The following SCD5 variants were observed in gnomAD, a reference collection of about 807,000 sequenced individuals.
The protein encoded by SCD5 is acyl-CoA-desaturase 4.
In SCD5, 20 loss-of-function variants were observed where a neutral mutation model predicts 30.4. The ratio of observed to expected loss-of-function variants is 0.66; its 90% CI spans 0.46 to 0.96. SCD5 has a LOEUF of 0.96. Ranked by LOEUF, SCD5 falls within the 40% of genes least tolerant of loss-of-function variation. SCD5 has a pLI of 0.00. For synonymous variants in SCD5, 173 were observed against 176.4 expected, an observed-to-expected ratio of 0.98 and a Z score of 0.16; for missense variants, 381 against 443.3, an observed-to-expected ratio of 0.86 and a Z score of 1.26.
chr4:82,665,027 T>TAC (rs36067892), intron 3 of SCD5, among the ~76,000 whole-genome samples: 10,839 of 31,374 alleles, frequency 0.35, 1,162 homozygotes, highest in African/African-American at 0.52. Context: ...ATATGTATAA[T>TAC]ACACACACAC....
chr4:82,696,460 C>T (rs574660787), intron 2 of SCD5, among the ~76,000 whole-genome samples: 2 of 152,280 alleles, frequency 1.3e-5, no homozygotes, highest in African/African-American at 4.8e-5. Flanking sequence ...AACAGAAGGC[C>T]TCACTGTGTC....
intron 1 of SCD5, among the ~76,000 whole-genome samples, chr4:82,712,043 CT>C (rs1720100777): frequency 6.6e-6 from 1 of 150,798 alleles, no homozygotes; most frequent in Non-Finnish European, 1.5e-5. Context: ...TCTTTAAGCA[CT>C]TTATACACAG....
chr4:82,644,066 C>A (rs1424558602), intron 3 of SCD5, among the ~76,000 whole-genome samples: 1 of 152,172 alleles, frequency 6.6e-6, no homozygotes, highest in Non-Finnish European at 1.5e-5. Context: ...CTTAGCACAC[C>A]GTAGTGGACA....
At chr4:82,783,681 T>G (rs370247726) in intron 1 of SCD5, among the ~76,000 whole-genome samples, 35 of 151,912 alleles carry the variant, frequency 2.3e-4, no homozygotes, top group African/African-American at 7.7e-4. Flanking sequence ...CGCATGCCTG[T>G]AATCCCAGCT....
intron 1 of SCD5, among the ~76,000 whole-genome samples, chr4:82,768,946 T>C (rs1721553374): frequency 6.6e-6 from 1 of 151,928 alleles, no homozygotes; most frequent in Admixed American, 6.6e-5. Context: ...CTAAGACTTT[T>C]TTTTTTTTTT....
chr4:82,788,542 G>A (rs1159260534), intron 1 of SCD5, among the ~76,000 whole-genome samples: 6 of 152,024 alleles, frequency 3.9e-5, no homozygotes, highest in East Asian at 1.9e-4. Flanking sequence ...AAGTGTTCAC[G>A]ATCACTCCCA....
At chr4:82,648,790 T>C (rs191369793) in intron 3 of SCD5, among the ~76,000 whole-genome samples, 1 of 152,260 alleles carries the variant, frequency 6.6e-6, no homozygotes, top group East Asian at 1.9e-4. Flanking sequence ...ACTAAGACTA[T>C]TCAATTTGTG....
intron 3 of SCD5, among the ~76,000 whole-genome samples, chr4:82,666,514 C>CA (rs1357583806): frequency 1.2e-3 from 165 of 140,220 alleles, no homozygotes; most frequent in African/African-American, 1.6e-3. Context: ...GACTCCGTCT[C>CA]AAAAAAAAAA....
chr4:82,660,454 G>T, intron 3 of SCD5: 1 of 908,436 alleles, frequency 1.1e-6, no homozygotes, highest in Non-Finnish European at 1.3e-6. Flanking sequence ...TAATCAACGT[G>T]TACAGGTTTT....
chr4:82,762,138 C>A (rs947165900), intron 1 of SCD5, among the ~76,000 whole-genome samples: 2 of 142,930 alleles, frequency 1.4e-5, no homozygotes, highest in African/African-American at 2.6e-5. Context: ...CACGCCACTG[C>A]ACTCCAGCCT....
At chr4:82,697,870 C>CTTTA (rs1719729178) in intron 2 of SCD5, among the ~76,000 whole-genome samples, 1 of 152,226 alleles carries the variant, frequency 6.6e-6, no homozygotes, top group Non-Finnish European at 1.5e-5. Flanking sequence ...AATGACAATG[C>CTTTA]TTTAATGAAT....
intron 1 of SCD5, among the ~76,000 whole-genome samples, chr4:82,772,369 G>A (rs1721643358): frequency 6.6e-6 from 1 of 152,164 alleles, no homozygotes; most frequent in South Asian, 2.1e-4. Flanking sequence ...GCATATAAGT[G>A]GGCATTTGAC....
In SCD5 at chr4:82,718,607, A is replaced by G. The variant is rs527965562; in HGVS notation, c.233-13194T>C. On this transcript the variant is annotated intron_variant, in intron 1 of 4. Transcript: ENST00000319540. ...TTTTTTCAAGGTTGTTGTTATCACA[A>G]TGTTTCTGGCTTAAATAGAAAAAAA... Among the ~76,000 whole-genome samples, 10 of 151,894 alleles carry G rather than the reference A, an allele frequency of 6.6e-5. No homozygotes were observed. In the East Asian group the frequency reaches 1.4e-3, roughly 21 times the overall value.
rs182083294 is a variant in SCD5, at chr4:82,755,432, G to A, written c.232+42874C>T. ...GGGGAATCATTTGAACCTGGGAGGC[G>A]GAGGTTGCAGTGAGCTGAGATCACA... On this transcript the variant is annotated intron_variant, in intron 1 of 4. Coordinates refer to ENST00000319540, the MANE Select transcript of SCD5 (RefSeq NM_001037582.3). Among the ~76,000 whole-genome samples the A allele has an allele frequency of 4.7e-3, 715 of 152,230 alleles. 1 individual carries two copies. Among genetic ancestry groups the A allele is most frequent in the African/African-American group, 0.016 (663 of 41,532 alleles).
chr4:82,751,664 G>A (rs1336099810), intron 1 of SCD5, among the ~76,000 whole-genome samples: 1 of 151,808 alleles, frequency 6.6e-6, no homozygotes, highest in Admixed American at 6.6e-5. Context: ...GTCTTGTTCT[G>A]TCACCAGGCT....
chr4:82,773,539 G>C (rs557749680), intron 1 of SCD5, among the ~76,000 whole-genome samples: 2 of 152,142 alleles, frequency 1.3e-5, no homozygotes, highest in Non-Finnish European at 2.9e-5. Flanking sequence ...CCCCCACCTC[G>C]TGTTCTTCCA....
chr4:82,685,516 C>G (rs2148822629), intron 2 of SCD5, among the ~76,000 whole-genome samples: 1 of 152,088 alleles, frequency 6.6e-6, no homozygotes, highest in East Asian at 1.9e-4. Flanking sequence ...AGTTCGAGAC[C>G]AGCCTGGCCA....
intron 2 of SCD5, among the ~76,000 whole-genome samples, chr4:82,701,504 G>A (rs1295661686): frequency 1.3e-5 from 2 of 150,740 alleles, no homozygotes; most frequent in Non-Finnish European, 3.0e-5. Context: ...TGTCAGAGAG[G>A]ATTAAAAAAA....
chr4:82,744,848 G>A (rs1279539607), intron 1 of SCD5, among the ~76,000 whole-genome samples: 1 of 151,736 alleles, frequency 6.6e-6, no homozygotes, highest in Non-Finnish European at 1.5e-5. Context: ...ACTGGGTGGA[G>A]CGAGAGGGAA....
Sources: allele counts gnomAD v4.1 joint callset (sites outside exome capture counted in the v4.1 genomes callset), GRCh38; gene constraint gnomAD v4.1.1; transcripts MANE v1.5; gene names NCBI Gene and HGNC (gene_info 2026-07-23, HGNC 2026-07-21).